Variants in SLC9A1 observed in about 807,000 individuals in gnomAD.
The protein encoded by SLC9A1 is sodium/hydrogen exchanger 1.
SLC9A1 carries 22 observed loss-of-function variants against 67.9 expected under a neutral mutation model. That is an observed-to-expected ratio of 0.32 (90% CI 0.23 to 0.46). The LOEUF (loss-of-function observed/expected upper bound fraction) is 0.46. SLC9A1 is among the 20% of genes least tolerant of loss of function. The pLI, the probability that SLC9A1 is intolerant of heterozygous loss-of-function variation, is 1.00. For synonymous variants in SLC9A1, 421 were observed against 471.8 expected, an observed-to-expected ratio of 0.89 and a Z score of 1.40; for missense variants, 686 against 1,094.8, an observed-to-expected ratio of 0.63 and a Z score of 5.27.
rs1172408847 is a variant in SLC9A1, at chr1:27,109,829, G to A, written c.814-52C>T. On this transcript the variant is annotated intron_variant, in intron 2 of 11. Transcript: ENST00000263980. This position sits in a 1 kb window ranked among gnomAD's most constrained non-coding sequence, Gnocchi z 5.5. Reference sequence around the variant, plus strand: ...TGGGAGGAGAGGGCCCTGGCCCCACGGTTCCCTGGGGTCCACCCAGGGCAA... The same window carrying A: ...TGGGAGGAGAGGGCCCTGGCCCCACAGTTCCCTGGGGTCCACCCAGGGCAA... 25 of 1,601,460 alleles carry A rather than the reference G, an allele frequency of 1.6e-5. No homozygotes were observed. The highest frequency in any genetic ancestry group is 6.7e-5 in the East Asian group (3 of 44,794).
At chr1:27,112,509 A>C (rs1379322171) in intron 2 of SLC9A1, among the ~76,000 whole-genome samples, 4 of 152,214 alleles carry the variant, frequency 2.6e-5, no homozygotes, top group Non-Finnish European at 5.9e-5. Flanking sequence ...GCTGGGAGGA[A>C]GGGCATGTGC....
chr1:27,117,670 C>A (rs1214703198), intron 1 of SLC9A1, among the ~76,000 whole-genome samples: 1 of 152,156 alleles, frequency 6.6e-6, no homozygotes, highest in Non-Finnish European at 1.5e-5. Flanking sequence ...GAGCCTGGCA[C>A]GCACCATCTC....
At chr1:27,136,937 CT>C (rs2083423936) in intron 1 of SLC9A1, among the ~76,000 whole-genome samples, 1 of 152,204 alleles carries the variant, frequency 6.6e-6, no homozygotes, top group South Asian at 2.1e-4. Context: ...AGAGCCCACA[CT>C]TCTCTGCATT....
In SLC9A1 at chr1:27,105,756, G is replaced by A. The variant is rs1439831236; in HGVS notation, c.1485+129C>T. The A allele has an allele frequency of 7.3e-6, 6 of 827,340 alleles. No homozygotes were observed. The East Asian group carries it at 1.6e-4, about 22-fold the overall frequency. The allele number at this position is 827,340 out of a possible 1,614,324, so 51.2% of individuals were successfully genotyped here. On this transcript the variant is annotated intron_variant, in intron 5 of 11. Transcript: ENST00000263980. ...AGAAAGGGGGAGTGGCTCGCCCAAG[G>A]TCACACAGCAAGTTAGTGGTGGAGC...
chr1:27,109,819 C>T lies in SLC9A1; in HGVS notation c.814-42G>A. On this transcript the variant is annotated intron_variant, in intron 2 of 11. Coordinates refer to ENST00000263980, the MANE Select transcript of SLC9A1 (RefSeq NM_003047.5). The surrounding 1 kb of genome is among the most constrained non-coding windows in gnomAD (Gnocchi z 5.5). ...GGCTGGTGGGTGGGAGGAGAGGGCC[C>T]TGGCCCCACGGTTCCCTGGGGTCCA... 2 of 1,609,074 alleles carry T rather than the reference C, an allele frequency of 1.2e-6. No homozygotes were observed. Among genetic ancestry groups the T allele is most frequent in the Non-Finnish European group, 1.7e-6 (2 of 1,177,784 alleles).
At chr1:27,131,947 A>AAAAAAAAATATATATATATAT in intron 1 of SLC9A1, among the ~76,000 whole-genome samples, 1 of 52,122 alleles carries the variant, frequency 1.9e-5, no homozygotes, top group African/African-American at 6.4e-5. Flanking sequence ...AGAAAAAAAA[A>AAAAAAAAATATATATATATAT]ATATATATAT....
intron 1 of SLC9A1, among the ~76,000 whole-genome samples, chr1:27,144,385 C>G (rs369719853): frequency 4.1e-4 from 63 of 152,196 alleles, no homozygotes; most frequent in African/African-American, 1.4e-3. Context: ...CCCACCCGGC[C>G]CAGAGAAGAT....
chr1:27,144,735 G>C (rs1343704966), intron 1 of SLC9A1, among the ~76,000 whole-genome samples: 1 of 152,362 alleles, frequency 6.6e-6, no homozygotes, highest in South Asian at 2.1e-4. Flanking sequence ...CAGGCCAGGC[G>C]TGGTGGCTCA....
intron 6 of SLC9A1, 93 bp from the exon 7 acceptor site, chr1:27,102,836 C>T: frequency 1.7e-6 from 2 of 1,143,258 alleles, no homozygotes; most frequent in Non-Finnish European, 1.3e-6. Flanking sequence ...GTAGCTGCAG[C>T]CCTGCTGGGT....
At chr1:27,148,680 T>C (rs540696153) in intron 1 of SLC9A1, among the ~76,000 whole-genome samples, 1 of 152,188 alleles carries the variant, frequency 6.6e-6, no homozygotes, top group Non-Finnish European at 1.5e-5. Flanking sequence ...AATTAAATAT[T>C]GTACACACAA....
intron 1 of SLC9A1, among the ~76,000 whole-genome samples, chr1:27,121,047 G>T (rs2083301441): frequency 6.6e-6 from 1 of 152,102 alleles, no homozygotes; most frequent in Non-Finnish European, 1.5e-5. Flanking sequence ...CAATAAATAT[G>T]CCTCCCCCAC....
intron 5 of SLC9A1, 27 bp from the exon 6 acceptor site, chr1:27,103,339 T>G: frequency 6.5e-7 from 1 of 1,532,332 alleles, no homozygotes; most frequent in Non-Finnish European, 9.0e-7. Context: ...TGTCAGGCAC[T>G]CCAGTTCTGC....
At chr1:27,102,921 T>G in intron 6 of SLC9A1, 178 bp from the exon 7 acceptor site, 1 of 642,214 alleles carries the variant, frequency 1.6e-6, no homozygotes, top group East Asian at 2.7e-5. Context: ...GCCCTGACTC[T>G]GGGTATCTCG....
intron 1 of SLC9A1, among the ~76,000 whole-genome samples, chr1:27,133,049 C>T (rs1426495756): frequency 3.3e-5 from 5 of 151,778 alleles, no homozygotes; most frequent in South Asian, 2.1e-4. Flanking sequence ...AGCCCAAGCC[C>T]GTCAGGGTTT....
At position 27,154,132 on chromosome 1, in the gene SLC9A1, G is replaced by A. The variant is rs139609468; in HGVS notation, c.203C>T (p.Thr68Ile). 19 of 1,614,040 alleles carry A rather than the reference G, an allele frequency of 1.2e-5. No homozygotes were observed. The African/African-American group carries it at 2.4e-4, about 20-fold the overall frequency. ...GDVTTAPPEV[T>I]PESRPVNHSV... The stretch of plus-strand genomic sequence containing the variant: ...ATGATTAACAGGGCGGCTCTCTGGG[G>A]TGACCTCCGGTGGAGCGGTGGTGAC... The change falls in exon 1 of 12, where the codon ACC becomes ATC. Residue 68 changes from threonine (T) to isoleucine (I), a missense_variant. Thr to Ile is a moderately conservative substitution (Grantham distance 89). Transcript: ENST00000263980.
At chr1:27,147,422 C>T (rs931107069) in intron 1 of SLC9A1, among the ~76,000 whole-genome samples, 10 of 151,530 alleles carry the variant, frequency 6.6e-5, no homozygotes, top group African/African-American at 2.2e-4. Flanking sequence ...AACCTGGAGG[C>T]GGAGGTTGCT....
At position 27,130,250 on chromosome 1, in the gene SLC9A1, G is replaced by A. The variant is rs554149141; in HGVS notation, c.353-15964C>T. Among the ~76,000 whole-genome samples, 212 of 152,256 alleles carry A rather than the reference G, an allele frequency of 1.4e-3. 1 individual carries two copies. Among genetic ancestry groups the A allele is most frequent in the Non-Finnish European group, 2.4e-3 (163 of 68,010 alleles). On this transcript the variant is annotated intron_variant, in intron 1 of 11. Coordinates refer to ENST00000263980, the MANE Select transcript of SLC9A1 (RefSeq NM_003047.5). ...TGAGTAGCTGGGATTACAGGCGCCC[G>A]CCACCACACTCGGTTAATTTTTTGT...
In SLC9A1 at chr1:27,102,501, G is replaced by A; in HGVS notation, c.1704C>T (p.Ser568=). The change falls in exon 8 of 12, where the codon TCC becomes TCT. Residue 568 remains serine (S), a synonymous_variant. Coordinates refer to ENST00000263980, the MANE Select transcript of SLC9A1 (RefSeq NM_003047.5). The part of the protein sequence containing the change: ...VKKCLIAGER[S]KEPQLIAFYH... Reference sequence around the variant, plus strand: ...AGAAGGCAATGAGCTGGGGCTCCTTGGAGCGCTCGCCAGCTATCAGACACT... The same window carrying A: ...AGAAGGCAATGAGCTGGGGCTCCTTAGAGCGCTCGCCAGCTATCAGACACT... 2.5e-6 allele frequency: 4 copies of A among 1,610,286 alleles called. No homozygotes were observed. The highest frequency in any genetic ancestry group is 3.4e-6 in the Non-Finnish European group (4 of 1,177,100).
Position 27,106,929 on chromosome 1 carries a change from CCTGA to C in SLC9A1, c.1282+715_1282+718del, listed in dbSNP as rs897501154. Among the ~76,000 whole-genome samples the C allele has an allele frequency of 6.6e-6, 1 of 151,878 alleles. No individual in the cohort carries two copies. The highest frequency in any genetic ancestry group is 1.5e-5 in the Non-Finnish European group (1 of 67,924). ...TCAGGGCCCCCTCACTTTGACACAG[CCTGA>C]CTCTGTCCCCAGAGACCACAGCCTT... On this transcript the variant is annotated intron_variant, in intron 4 of 11. Transcript: ENST00000263980. The surrounding 1 kb of genome is among the most constrained non-coding windows in gnomAD (Gnocchi z 4.3).
Sources: allele counts gnomAD v4.1 joint callset (sites outside exome capture counted in the v4.1 genomes callset), GRCh38; gene constraint gnomAD v4.1.1; non-coding constraint Gnocchi (gnomAD v3.1); transcripts MANE v1.5; gene names NCBI Gene and HGNC (gene_info 2026-07-23, HGNC 2026-07-21).